C8orf34: variants seen among roughly 807,000 people sequenced by gnomAD.
The protein encoded by C8orf34 is uncharacterized protein C8orf34.
In C8orf34, 65 loss-of-function variants were observed where a neutral mutation model predicts 68.3. That is an observed-to-expected ratio of 0.95 (90% confidence interval 0.78 to 1.17). The LOEUF is 1.17. C8orf34 is among the 50% of genes most tolerant of loss of function. The pLI is 0.00. For synonymous variants in C8orf34, 244 were observed against 241.2 expected (o/e 1.01, Z -0.11); for missense variants, 664 against 655.4 (o/e 1.01, Z -0.14).
intron 12 of C8orf34, among the ~76,000 whole-genome samples, chr8:68,803,626 A>T (rs1292547915): frequency 1.3e-5 from 2 of 152,134 alleles, no homozygotes; most frequent in African/African-American, 4.8e-5. Flanking sequence ...ATGAGACCAA[A>T]ATTTCTACGA....
chr8:68,602,121 A>G (rs139496346), intron 7 of C8orf34, among the ~76,000 whole-genome samples: 81 of 152,250 alleles, frequency 5.3e-4, no homozygotes, highest in Non-Finnish European at 1.0e-3. Flanking sequence ...TTGCCACACG[A>G]TGGGAGCAGT....
At chr8:68,452,042 C>T (rs1194463000) in intron 3 of C8orf34, among the ~76,000 whole-genome samples, 1 of 151,918 alleles carries the variant, frequency 6.6e-6, no homozygotes, top group East Asian at 1.9e-4. Flanking sequence ...GTGGTATGCA[C>T]ACTACTTCAG....
intron 7 of C8orf34, among the ~76,000 whole-genome samples, chr8:68,568,309 G>T (rs1347517296): frequency 6.6e-6 from 1 of 152,044 alleles, no homozygotes; most frequent in Admixed American, 6.6e-5. Flanking sequence ...CTGGTGAAGA[G>T]GCCTAATTTT....
intron 4 of C8orf34, among the ~76,000 whole-genome samples, chr8:68,486,263 T>C (rs1813074199): frequency 1.3e-5 from 2 of 152,184 alleles, no homozygotes; most frequent in South Asian, 4.1e-4. Flanking sequence ...GGTGCTGTCA[T>C]ATCTGAGTTC....
intron 10 of C8orf34, among the ~76,000 whole-genome samples, chr8:68,765,868 G>T (rs554084332): frequency 6.6e-6 from 1 of 152,144 alleles, no homozygotes; most frequent in East Asian, 1.9e-4. Flanking sequence ...GAATTTAAAT[G>T]CACTTCTCTA....
chr8:68,722,357 T>A (rs748393708), intron 10 of C8orf34, among the ~76,000 whole-genome samples: 4 of 152,040 alleles, frequency 2.6e-5, no homozygotes, highest in Non-Finnish European at 4.4e-5. Flanking sequence ...TATCTCCAAA[T>A]GCATTCTGAG....
rs371129731 is a variant in C8orf34 at position 68,587,768 on chromosome 8, A to G, written c.1106-52608A>G. On this transcript the variant is annotated intron_variant, in intron 7 of 13. Transcript: ENST00000518698. ...GCTGCTTGTGTGACAAAGAATAACT[A>G]ACTGAACAACATGGCTACATGGACA... Among the ~76,000 whole-genome samples, 4 of 152,284 alleles carry G rather than the reference A, an allele frequency of 2.6e-5. No individual in the cohort carries two copies. The East Asian group carries it at 7.7e-4, about 29-fold the overall frequency.
chr8:68,729,511 G>A (rs865905545), intron 10 of C8orf34, among the ~76,000 whole-genome samples: 2 of 152,106 alleles, frequency 1.3e-5, no homozygotes, highest in Non-Finnish European at 2.9e-5. Flanking sequence ...TCTTCTTGGA[G>A]ATTCATTCCT....
At chr8:68,771,588 C>T (rs1823337984) in intron 10 of C8orf34, among the ~76,000 whole-genome samples, 1 of 152,158 alleles carries the variant, frequency 6.6e-6, no homozygotes. Context: ...TTTCCTTCTT[C>T]CTAATATGAG....
At chr8:68,750,916 C>T (rs569557037) in intron 10 of C8orf34, among the ~76,000 whole-genome samples, 2 of 152,218 alleles carry the variant, frequency 1.3e-5, no homozygotes, top group South Asian at 4.1e-4. Flanking sequence ...AAAAGATTAA[C>T]ACATTCATAG....
At chr8:68,625,532 G>A (rs1294163296) in intron 7 of C8orf34, 2 of 668,902 alleles carry the variant, frequency 3.0e-6, no homozygotes, top group Admixed American at 2.2e-5. Flanking sequence ...GGCTTGAAGT[G>A]TAAGGGATGA....
intron 7 of C8orf34, among the ~76,000 whole-genome samples, chr8:68,598,954 G>C (rs1249277953): frequency 2.0e-5 from 3 of 151,824 alleles, no homozygotes; most frequent in African/African-American, 7.3e-5. Flanking sequence ...AGAAAATATG[G>C]AGTTTATGAA....
rs75549198 is a variant in C8orf34 at position 68,452,777 on chromosome 8, A to T, written c.607+6317A>T. Among the ~76,000 whole-genome samples the T allele has an allele frequency of 9.0e-3, 1,349 of 150,642 alleles. 23 individuals carry two copies. Among genetic ancestry groups the T allele is most frequent in the African/African-American group, 0.031 (1,274 of 41,048 alleles). ...CAGTTTTTAATTTTGATGAAGCTCA[A>T]TTGATCTATTTTCCTTTTTTTTTTG... On this transcript the variant is annotated intron_variant, in intron 3 of 13. Coordinates refer to ENST00000518698, the MANE Select transcript of C8orf34 (RefSeq NM_052958.4).
chr8:68,404,401 G>C (rs1156628025), intron 1 of C8orf34, among the ~76,000 whole-genome samples: 1 of 152,074 alleles, frequency 6.6e-6, no homozygotes, highest in Non-Finnish European at 1.5e-5. Context: ...TGTCAATCTT[G>C]GCTTTTGTTG....
At chr8:68,672,581 A>G (rs959836562) in intron 8 of C8orf34, among the ~76,000 whole-genome samples, 4 of 152,192 alleles carry the variant, frequency 2.6e-5, no homozygotes, top group South Asian at 2.1e-4. Flanking sequence ...GACCAGCCCT[A>G]GCTAGAGGGA....
chr8:68,331,485 C>T, intron 1 of C8orf34, 146 bp downstream of exon 1: 2 of 897,590 alleles, frequency 2.2e-6, no homozygotes. Context: ...GATTCACTGG[C>T]ATTCGCTCTG....
intron 1 of C8orf34, among the ~76,000 whole-genome samples, chr8:68,384,875 A>C (rs559223681): frequency 6.6e-6 from 1 of 152,186 alleles, no homozygotes; most frequent in East Asian, 1.9e-4. Flanking sequence ...AACAGATGAC[A>C]TGAGAGTGTA....
intron 13 of C8orf34, among the ~76,000 whole-genome samples, chr8:68,817,467 C>T (rs1049722491): frequency 2.0e-5 from 3 of 152,130 alleles, no homozygotes; most frequent in Non-Finnish European, 4.4e-5. Flanking sequence ...CCCTCTCTTT[C>T]ATCAAATAAA....
intron 5 of C8orf34, among the ~76,000 whole-genome samples, chr8:68,516,450 G>T (rs558879485): frequency 6.6e-6 from 1 of 152,120 alleles, no homozygotes; most frequent in Non-Finnish European, 1.5e-5. Context: ...CAAGTGCTGT[G>T]CTGAGAACCA....
Sources: gnomAD v4.1 joint callset for allele counts (sites outside exome capture counted in the v4.1 genomes callset) on GRCh38, gnomAD v4.1.1 for gene constraint, MANE v1.5 for transcripts, NCBI Gene and HGNC (gene_info 2026-07-23, HGNC 2026-07-21) for gene names.